The following FGF13 variants were observed in gnomAD, a reference collection of about 807,000 sequenced individuals.
FGF13 encodes fibroblast growth factor 13, also known as fibroblast growth factor homologous factor 2.
In FGF13, 2 loss-of-function variants were observed where a neutral mutation model predicts 19.5. The ratio of observed to expected loss-of-function variants is 0.10; its 90% confidence interval spans 0.04 to 0.32. FGF13 has a LOEUF of 0.32. FGF13 is among the 10% of genes least tolerant of loss of function. The pLI, the probability that FGF13 is intolerant of heterozygous loss-of-function variation, is 1.00. For synonymous variants in FGF13, 72 were observed against 76.9 expected (o/e 0.94, Z 0.33); for missense variants, 113 against 192.7 (o/e 0.59, Z 2.45).
chrX:138,894,382 A>T (rs2091492609), intron 1 of FGF13, among the ~76,000 whole-genome samples: 1 of 111,068 alleles, frequency 9.0e-6, no homozygotes, highest in Admixed American at 9.6e-5. Flanking sequence ...TGGTTTTTTG[A>T]AAAGATCAAC....
At chrX:139,003,340 T>C (rs1286079706) in intron 1 of FGF13, among the ~76,000 whole-genome samples, 1 of 111,281 alleles carries the variant, frequency 9.0e-6, no homozygotes, top group East Asian at 2.8e-4. Flanking sequence ...ATCTTCGCCG[T>C]GAGTGTTACA....
At chrX:138,875,727 C>T (rs1313470827) in intron 1 of FGF13, among the ~76,000 whole-genome samples, 1 of 111,157 alleles carries the variant, frequency 9.0e-6, no homozygotes, top group Non-Finnish European at 1.9e-5. Flanking sequence ...ATTCTTCATG[C>T]CTGGTGACCT....
intron 3 of FGF13, among the ~76,000 whole-genome samples, chrX:138,830,215 T>C (rs187776740): frequency 2.6e-3 from 296 of 111,826 alleles, no homozygotes; most frequent in African/African-American, 8.1e-3. Flanking sequence ...AAAGCCTAGA[T>C]GGCTGTGAAT....
chrX:138,780,167 C>G (rs1360944565), intron 3 of FGF13, among the ~76,000 whole-genome samples: 8 of 110,012 alleles, frequency 7.3e-5, no homozygotes, highest in Non-Finnish European at 7.6e-5. Flanking sequence ...GAAGGAAGCA[C>G]TAAACATGGA....
At chrX:138,637,321 A>G (rs1400623018) in intron 3 of FGF13, among the ~76,000 whole-genome samples, 1 of 112,750 alleles carries the variant, frequency 8.9e-6, no homozygotes, top group Non-Finnish European at 1.9e-5. Context: ...AGTGATGAGG[A>G]CAAGTACATA....
chrX:139,182,772 T>C (rs1467911455), intron 1 of FGF13, among the ~76,000 whole-genome samples: 1 of 112,190 alleles, frequency 8.9e-6, no homozygotes, highest in Non-Finnish European at 1.9e-5. Flanking sequence ...TGAACAATAT[T>C]CTACCAGTAA....
upstream of FGF13, among the ~76,000 whole-genome samples, chrX:138,713,034 C>T (rs1364537015): frequency 8.9e-6 from 1 of 112,292 alleles, no homozygotes; most frequent in African/African-American, 3.2e-5. Flanking sequence ...ATGTCTCTTG[C>T]TCCATCAGAA....
rs1409384375 is a variant in FGF13 at position 138,711,232 on chromosome X, C to T, written c.-229G>A. On this transcript the variant is annotated 5_prime_UTR_variant, in exon 1 of 5. Transcript: ENST00000315930. ...GGCTCCCGCGCGGGCTGCTGGCTGC[C>T]TGGGTCGGAGTCGACGCCACAGCCC... is the stretch of plus-strand genomic sequence containing the variant. 1 of 1,037,523 alleles carries T rather than the reference C, an allele frequency of 9.6e-7. No individual in the cohort carries two copies. The highest frequency in any genetic ancestry group is 4.5e-5 in the Admixed American group (1 of 22,332). The allele number at this position is 1,037,523 out of a possible 1,213,427, so 85.5% of individuals were successfully genotyped here. A position where few individuals can be genotyped will look rare whatever the true frequency, so the allele number is the denominator to read the frequency against.
chrX:139,143,198 G>C (rs1206390609), intron 1 of FGF13, among the ~76,000 whole-genome samples: 2 of 111,939 alleles, frequency 1.8e-5, no homozygotes, highest in African/African-American at 3.2e-5. Context: ...GATGTTGAAA[G>C]GGGAGCCAGA....
At chrX:138,670,456 G>A (rs761065746) in intron 3 of FGF13, among the ~76,000 whole-genome samples, 5 of 112,133 alleles carry the variant, frequency 4.5e-5, no homozygotes, top group Non-Finnish European at 9.4e-5. Context: ...GACTGGATGA[G>A]CAGATTATGG....
At chrX:138,765,098 G>T (rs935381183) in intron 3 of FGF13, among the ~76,000 whole-genome samples, 1 of 112,093 alleles carries the variant, frequency 8.9e-6, no homozygotes, top group Admixed American at 9.5e-5. Flanking sequence ...ATGTATTTGG[G>T]AAAAGTCTTA....
chrX:138,634,064 C>G (rs2089153299), intron 4 of FGF13, among the ~76,000 whole-genome samples: 1 of 112,040 alleles, frequency 8.9e-6, no homozygotes, highest in African/African-American at 3.3e-5. Context: ...TGTCCCTCAC[C>G]CTTTCTAATT....
intron 1 of FGF13, among the ~76,000 whole-genome samples, chrX:138,965,602 G>A (rs1220320268): frequency 8.9e-6 from 1 of 111,888 alleles, no homozygotes; most frequent in East Asian, 2.8e-4. Flanking sequence ...ACTATGAGCA[G>A]GGAGGTTCCA....
At chrX:139,121,565 T>C (rs946440119) in intron 1 of FGF13, among the ~76,000 whole-genome samples, 2 of 110,439 alleles carry the variant, frequency 1.8e-5, no homozygotes, top group African/African-American at 6.6e-5. Flanking sequence ...GCCTGGCTAT[T>C]TTTTTTCTTT....
At chrX:138,895,222 A>C (rs996656433) in intron 1 of FGF13, among the ~76,000 whole-genome samples, 1 of 112,168 alleles carries the variant, frequency 8.9e-6, no homozygotes, top group Non-Finnish European at 1.9e-5. Flanking sequence ...ATATGTATAC[A>C]TGGTGTAATT....
At chrX:139,008,672 C>T (rs764031847) in intron 1 of FGF13, among the ~76,000 whole-genome samples, 1 of 112,068 alleles carries the variant, frequency 8.9e-6, no homozygotes, top group South Asian at 3.7e-4. Flanking sequence ...ATCAAGGGAC[C>T]ACCCCATGGG....
chrX:138,789,938 G>A (rs996572282), intron 3 of FGF13, among the ~76,000 whole-genome samples: 2 of 103,082 alleles, frequency 1.9e-5, no homozygotes, highest in African/African-American at 7.1e-5. Context: ...TCAGGTACTC[G>A]GGAGGCTGAG....
At chrX:138,673,719 G>A (rs966889779) in intron 3 of FGF13, among the ~76,000 whole-genome samples, 5 of 111,078 alleles carry the variant, frequency 4.5e-5, no homozygotes, top group African/African-American at 1.6e-4. Context: ...ATGGTGGAGA[G>A]GGATACGAAG....
chrX:138,803,553 T>C (rs2090844890), intron 3 of FGF13, among the ~76,000 whole-genome samples: 2 of 112,117 alleles, frequency 1.8e-5, no homozygotes. Flanking sequence ...ACCTTTAGGA[T>C]TTCCATCCTC....
Sources: gnomAD v4.1 joint callset for allele counts (sites outside exome capture counted in the v4.1 genomes callset) on GRCh38, gnomAD v4.1.1 for gene constraint, MANE v1.5 for transcripts, NCBI Gene and HGNC (gene_info 2026-07-23, HGNC 2026-07-21) for gene names.